GSE1: variants seen among roughly 807,000 people sequenced by gnomAD.
GSE1 encodes genetic suppressor element 1.
Under a neutral mutation model 112.6 loss-of-function variants are expected in GSE1, and 32 were observed. That is an observed-to-expected ratio of 0.28 (90% confidence interval 0.21 to 0.38). The LOEUF (loss-of-function observed/expected upper bound fraction) is 0.38. GSE1 is among the 10% of genes least tolerant of loss of function. The probability of loss-of-function intolerance (pLI) is 1.00; values close to 1 mark genes in which losing one functional copy is unlikely to be tolerated. For synonymous variants in GSE1, 1,115 were observed against 735.6 expected (o/e 1.52, Z -8.35); for missense variants, 2,348 against 1,699.2 (o/e 1.38, Z -6.71).
intron 1 of GSE1, among the ~76,000 whole-genome samples, chr16:85,237,761 C>G (rs11149728): frequency 0.27 from 41,136 of 151,486 alleles, 6,308 homozygotes; most frequent in African/African-American, 0.39. Context: ...TGGCGTGAAC[C>G]CAGGAGGCGG....
chr16:85,353,002 T>G (rs1471256702), intron 1 of GSE1, among the ~76,000 whole-genome samples: 1 of 152,208 alleles, frequency 6.6e-6, no homozygotes, highest in East Asian at 1.9e-4. Flanking sequence ...CTGTATCAGC[T>G]CTCTGTTGCT....
At chr16:85,464,838 C>G (rs1301109836) in intron 2 of GSE1, among the ~76,000 whole-genome samples, 4 of 152,184 alleles carry the variant, frequency 2.6e-5, no homozygotes, top group Non-Finnish European at 5.9e-5. Flanking sequence ...GTGTTAAGTG[C>G]TGGGTTGACT....
intron 15 of GSE1, 59 bp from the exon 16 acceptor site, chr16:85,672,346 A>G (rs1473745515): frequency 5.2e-6 from 7 of 1,354,100 alleles, no homozygotes; most frequent in African/African-American, 1.4e-5. Flanking sequence ...TTTGTACTCT[A>G]CATGCTTGTC....
At chr16:85,498,465 A>G (rs2051254888) in intron 2 of GSE1, among the ~76,000 whole-genome samples, 1 of 152,182 alleles carries the variant, frequency 6.6e-6, no homozygotes, top group African/African-American at 2.4e-5. Flanking sequence ...ATGTGCATAT[A>G]CATGCATAGA....
intron 1 of GSE1, among the ~76,000 whole-genome samples, chr16:85,604,180 C>T (rs1448706395): frequency 6.6e-6 from 1 of 152,202 alleles, no homozygotes; most frequent in African/African-American, 2.4e-5. Context: ...TCCCCTCTCC[C>T]CTCCCCTAGC....
intron 1 of GSE1, among the ~76,000 whole-genome samples, chr16:85,278,027 G>T (rs1048056710): frequency 6.6e-6 from 1 of 152,356 alleles, no homozygotes; most frequent in African/African-American, 2.4e-5. Flanking sequence ...CAATATTGGC[G>T]GCATGTGTCC....
chr16:85,511,265 G>A (rs937807168), intron 2 of GSE1, among the ~76,000 whole-genome samples: 9 of 152,224 alleles, frequency 5.9e-5, no homozygotes, highest in Admixed American at 3.9e-4. Flanking sequence ...AGTGGCTCAC[G>A]CCTGTAATCC....
intron 1 of GSE1, among the ~76,000 whole-genome samples, chr16:85,281,461 C>T (rs562230405): frequency 7.2e-5 from 11 of 152,264 alleles, no homozygotes; most frequent in Non-Finnish European, 1.5e-4. Flanking sequence ...TAAACCGAGG[C>T]CCACAGGGAT....
chr16:85,556,912 G>A (rs574376842), intron 1 of GSE1, among the ~76,000 whole-genome samples: 4 of 152,162 alleles, frequency 2.6e-5, no homozygotes, highest in East Asian at 1.9e-4. Flanking sequence ...AGGGGGCCGG[G>A]GAAGCTCAGG....
chr16:85,324,467 G>A (rs964150236), intron 1 of GSE1, among the ~76,000 whole-genome samples: 3 of 147,892 alleles, frequency 2.0e-5, no homozygotes, highest in Non-Finnish European at 3.0e-5. Context: ...TTGAGATCAC[G>A]CCACTGCACT....
rs543450536 is a variant in GSE1, at chr16:85,193,296, C to G, written c.2283+21489C>G. On this transcript the variant is annotated intron_variant, in intron 1 of 2. Transcript: ENST00000637419. ...ATAAACACACCATCCTGTTGAATAG[C>G]TGCCACATCTGCATGAGTATTCCTG... Among the ~76,000 whole-genome samples, 3 of 152,276 alleles carry G rather than the reference C, an allele frequency of 2.0e-5. No homozygotes were observed. The South Asian group carries it at 6.2e-4, about 32-fold the overall frequency.
At chr16:85,628,347 A>G (rs1239546558) in intron 1 of GSE1, among the ~76,000 whole-genome samples, 2 of 152,176 alleles carry the variant, frequency 1.3e-5, no homozygotes, top group African/African-American at 4.8e-5. Context: ...TGCTGCCCGC[A>G]GGGGACCCCC....
rs138013626 is a variant in GSE1, at chr16:85,176,611, C to T, written c.2283+4804C>T. Among the ~76,000 whole-genome samples the T allele has an allele frequency of 5.3e-4, 81 of 152,380 alleles. No individual in the cohort carries two copies. In the East Asian group the frequency reaches 0.01, roughly 19 times the overall value. On this transcript the variant is annotated intron_variant, in intron 1 of 2. Coordinates refer to the GSE1 transcript ENST00000637419. ...CAGTTGGCGGGCGGGCCGCGCTTCCCGCTTCCAGGACTCTGTCCGGAGAGC... is the reference window on the plus strand; with the variant it reads ...CAGTTGGCGGGCGGGCCGCGCTTCCTGCTTCCAGGACTCTGTCCGGAGAGC...
At chr16:85,654,257 C>G in intron 3 of GSE1, 21 bp from the exon 4 acceptor site, 3 of 1,572,622 alleles carry the variant, frequency 1.9e-6, no homozygotes, top group East Asian at 2.4e-5. Flanking sequence ...CCTGCCCTGA[C>G]TGGACGCTCT....
chr16:85,491,620 C>CCCGCCT (rs1246025189), intron 2 of GSE1, among the ~76,000 whole-genome samples: 1 of 151,876 alleles, frequency 6.6e-6, no homozygotes, highest in Admixed American at 6.6e-5. Context: ...TGGGCTCAGG[C>CCCGCCT]GGGGTCATGG....
intron 9 of GSE1, 131 bp downstream of exon 9, chr16:85,661,896 G>T: frequency 1.1e-6 from 1 of 892,834 alleles, no homozygotes; most frequent in East Asian, 2.7e-5. Flanking sequence ...GGCCCCAGGT[G>T]GCAAGTGCAC....
intron 1 of GSE1, among the ~76,000 whole-genome samples, chr16:85,281,370 A>G (rs1040214925): frequency 5.9e-5 from 9 of 151,992 alleles, no homozygotes; most frequent in African/African-American, 1.9e-4. Flanking sequence ...AGCTCCAAGC[A>G]GTTCCAGGCA....
At chr16:85,169,842 G>T in exon 1 of GSE1, 1 of 984,518 alleles carries the variant, frequency 1.0e-6, no homozygotes, top group Non-Finnish European at 1.2e-6. Flanking sequence ...GCGCCCGCAC[G>T]CCGGTGGACA....
At chr16:85,665,326 CAG>C (rs113238795) in intron 12 of GSE1, among the ~76,000 whole-genome samples, 198 bp downstream of exon 12, 6,919 of 152,338 alleles carry the variant, frequency 0.045, 530 homozygotes, top group African/African-American at 0.15. Flanking sequence ...AAGGCGGGCT[CAG>C]AGTTGAGGGG....
Sources: allele counts gnomAD v4.1 joint callset (sites outside exome capture counted in the v4.1 genomes callset), GRCh38; gene constraint gnomAD v4.1.1; transcripts MANE v1.5; gene names NCBI Gene and HGNC (gene_info 2026-07-23, HGNC 2026-07-21).